Variants in DPYD observed in about 807,000 individuals in gnomAD.
The protein encoded by DPYD is dihydropyrimidine dehydrogenase [NADP(+)].
In DPYD, 109 loss-of-function variants were observed where a neutral mutation model predicts 116.2. That is an observed-to-expected ratio of 0.94 (90% confidence interval 0.80 to 1.10). The LOEUF (loss-of-function observed/expected upper bound fraction) is 1.10, where lower values mean the gene tolerates loss of function less well. Ranked by LOEUF, DPYD falls within the 50% of genes least tolerant of loss-of-function variation. The probability of loss-of-function intolerance (pLI) is 0.00; values close to 1 mark genes in which losing one functional copy is unlikely to be tolerated. For synonymous variants in DPYD, 440 were observed against 432.0 expected (o/e 1.02, Z -0.23); for missense variants, 1,302 against 1,254.5 (o/e 1.04, Z -0.57).
intron 19 of DPYD, among the ~76,000 whole-genome samples, chr1:97,199,387 A>AT (rs752065651): frequency 1.4e-4 from 21 of 152,136 alleles, no homozygotes; most frequent in Admixed American, 3.9e-4. Context: ...AATCATGAGC[A>AT]TTTTTTTCAC....
rs555544694 is a variant in DPYD at position 97,495,272 on chromosome 1, G to A, written c.1740+20454C>T. Reference sequence around the variant, plus strand: ...AGAGAGAGATGTCAAAACATACTTTGGGGAGATACAGTTGGATGAAAATAT... The same window carrying A: ...AGAGAGAGATGTCAAAACATACTTTAGGGAGATACAGTTGGATGAAAATAT... On this transcript the variant is annotated intron_variant, in intron 13 of 22. Coordinates refer to ENST00000370192, the MANE Select transcript of DPYD (RefSeq NM_000110.4). Among the ~76,000 whole-genome samples, 46 of 152,138 alleles carry A rather than the reference G, an allele frequency of 3.0e-4. No individual in the cohort carries two copies. The South Asian group carries it at 8.9e-3, about 29-fold the overall frequency.
chr1:97,746,166 A>G (rs576081362), intron 3 of DPYD, among the ~76,000 whole-genome samples: 1 of 152,180 alleles, frequency 6.6e-6, no homozygotes, highest in Admixed American at 6.5e-5. Context: ...CTTGTCCTAA[A>G]TCTTCCTCAG....
At position 97,280,814 on chromosome 1, in the gene DPYD, G is replaced by C. The variant is rs1665273308; in HGVS notation, c.2299+24445C>G. On this transcript the variant is annotated intron_variant, in intron 18 of 22. Coordinates refer to ENST00000370192, the MANE Select transcript of DPYD (RefSeq NM_000110.4). Reference sequence around the variant, plus strand: ...ATAGTTAGGAAGAAACATTTCTGTTGTTTCATTACACAGTAGGGAGATTAC... The same window carrying C: ...ATAGTTAGGAAGAAACATTTCTGTTCTTTCATTACACAGTAGGGAGATTAC... Among the ~76,000 whole-genome samples, 2 of 152,200 alleles carry C rather than the reference G, an allele frequency of 1.3e-5. 1 individual carries two copies. The highest frequency in any genetic ancestry group is 3.9e-4 in the East Asian group (2 of 5,172).
chr1:97,484,278 T>A lies in DPYD; in HGVS notation c.1740+31448A>T, dbSNP rs565263944. Among the ~76,000 whole-genome samples the A allele has an allele frequency of 3.9e-5, 6 of 152,326 alleles. No individual in the cohort carries two copies. The South Asian group carries it at 1.2e-3, about 32-fold the overall frequency. On this transcript the variant is annotated intron_variant, in intron 13 of 22. Coordinates refer to ENST00000370192, the MANE Select transcript of DPYD (RefSeq NM_000110.4). ...GAGATAGCACCACTGCATTCCAGTC[T>A]GGGTGACAGAGCAAGACTCCATCTC...
At chr1:97,892,329 G>C (rs1672820507) in intron 1 of DPYD, among the ~76,000 whole-genome samples, 1 of 151,750 alleles carries the variant, frequency 6.6e-6, no homozygotes, top group South Asian at 2.1e-4. Context: ...TTGCTTAACA[G>C]TCTCTTGTTT....
chr1:97,559,588 G>A (rs542039203), intron 11 of DPYD, among the ~76,000 whole-genome samples: 4 of 151,648 alleles, frequency 2.6e-5, no homozygotes, highest in African/African-American at 9.7e-5. Context: ...ATAAGTTCCT[G>A]TAATTTTAGC....
intron 2 of DPYD, among the ~76,000 whole-genome samples, chr1:97,860,125 T>A (rs755786920): frequency 6.6e-6 from 1 of 152,070 alleles, no homozygotes; most frequent in Non-Finnish European, 1.5e-5. Flanking sequence ...GGCCGATCAC[T>A]TGAGTCCAAG....
rs1648982238 is a variant in DPYD, at chr1:97,079,143, T to C, written c.2911A>G (p.Ile971Val). Residue 971 changes from isoleucine (I) to valine (V), a missense_variant, in exon 23 of 23, where the codon ATA (isoleucine) becomes GTA (valine). By Grantham distance (29) the Ile-to-Val change is conservative. Transcript: ENST00000370192. Reference protein sequence around the residue: ...MTCNDSGYQAIQFDPETHLPT... With the variant: ...MTCNDSGYQAVQFDPETHLPT... Reference sequence around the variant, plus strand: ...AGGTGGGTTTCTGGATCAAACTGTATAGCCTGCAAACAGAAATAGAGGGTA... The same window carrying C: ...AGGTGGGTTTCTGGATCAAACTGTACAGCCTGCAAACAGAAATAGAGGGTA... 1.9e-6 allele frequency: 3 copies of C among 1,613,338 alleles called. No homozygotes were observed. The highest frequency in any genetic ancestry group is 2.2e-5 in the South Asian group (2 of 91,054).
chr1:97,401,017 T>C (rs896763615), intron 14 of DPYD, among the ~76,000 whole-genome samples: 3 of 152,118 alleles, frequency 2.0e-5, no homozygotes, highest in African/African-American at 7.2e-5. Flanking sequence ...CTAATAGATG[T>C]GTAGTGGTAC....
chr1:97,273,247 C>T (rs1038949527), intron 18 of DPYD, among the ~76,000 whole-genome samples: 1 of 152,124 alleles, frequency 6.6e-6, no homozygotes, highest in African/African-American at 2.4e-5. Context: ...AATTCTCTAA[C>T]TGTTCAGGCC....
intron 7 of DPYD, among the ~76,000 whole-genome samples, chr1:97,688,737 C>T (rs996358508): frequency 1.3e-5 from 2 of 151,946 alleles, no homozygotes; most frequent in Non-Finnish European, 2.9e-5. Context: ...TTTGACTGTT[C>T]CCTGCGATAT....
intron 3 of DPYD, among the ~76,000 whole-genome samples, chr1:97,770,613 T>C (rs905265510): frequency 5.9e-5 from 9 of 152,202 alleles, no homozygotes; most frequent in South Asian, 2.1e-4. Context: ...CTAGAAAACA[T>C]ACTAAGTTTG....
intron 8 of DPYD, among the ~76,000 whole-genome samples, chr1:97,652,740 T>C (rs572678917): frequency 6.6e-6 from 1 of 152,310 alleles, no homozygotes; most frequent in East Asian, 1.9e-4. Context: ...CAGTTTCCTA[T>C]GATATCAATC....
intron 2 of DPYD, among the ~76,000 whole-genome samples, chr1:97,841,481 T>C (rs1422317552): frequency 6.6e-6 from 1 of 152,040 alleles, no homozygotes; most frequent in Non-Finnish European, 1.5e-5. Context: ...TGAGTATCTC[T>C]TACTAGTGAT....
chr1:97,534,456 G>C (rs1425974500), intron 12 of DPYD, among the ~76,000 whole-genome samples: 1 of 152,036 alleles, frequency 6.6e-6, no homozygotes, highest in South Asian at 2.1e-4. Context: ...AAAGTAAGCT[G>C]GTTATTGAAA....
At chr1:97,284,926 T>C (rs1408998170) in intron 18 of DPYD, among the ~76,000 whole-genome samples, 3 of 152,224 alleles carry the variant, frequency 2.0e-5, no homozygotes, top group Admixed American at 1.3e-4. Flanking sequence ...ATCCATTCTG[T>C]ATCTTCTTGT....
Position 97,545,720 on chromosome 1 carries a change from C to T in DPYD, c.1524+3840G>A, listed in dbSNP as rs545209874. On this transcript the variant is annotated intron_variant, in intron 12 of 22. Coordinates refer to ENST00000370192, the MANE Select transcript of DPYD (RefSeq NM_000110.4). ...AAAAACTGCCAACTAATAGTAATGGCCCCGAACCGTGAAGAAAGGGAATTT... is the reference window on the plus strand; with the variant it reads ...AAAAACTGCCAACTAATAGTAATGGTCCCGAACCGTGAAGAAAGGGAATTT... 402 of 1,160,412 alleles carry T rather than the reference C, an allele frequency of 3.5e-4. 13 individuals are homozygous for T. In the South Asian group the frequency reaches 5.0e-3, roughly 15 times the overall value. The allele number at this position is 1,160,412 out of a possible 1,614,324, so 71.9% of individuals were successfully genotyped here. A position where few individuals can be genotyped will look rare whatever the true frequency, so the allele number is the denominator to read the frequency against.
At chr1:97,413,145 C>T (rs1674101973) in intron 14 of DPYD, among the ~76,000 whole-genome samples, 1 of 152,198 alleles carries the variant, frequency 6.6e-6, no homozygotes, top group African/African-American at 2.4e-5. Flanking sequence ...AAACCTCTTA[C>T]ATTTTTACTA....
intron 12 of DPYD, among the ~76,000 whole-genome samples, chr1:97,549,199 T>G (rs555978674): frequency 6.6e-6 from 1 of 152,036 alleles, no homozygotes; most frequent in Non-Finnish European, 1.5e-5. Context: ...CCCAAGAAGC[T>G]CGTACCACAG....
Sources: allele counts gnomAD v4.1 joint callset (sites outside exome capture counted in the v4.1 genomes callset), GRCh38; gene constraint gnomAD v4.1.1; transcripts MANE v1.5; gene names NCBI Gene and HGNC (gene_info 2026-07-23, HGNC 2026-07-21).